Variants in THNSL1 observed in about 807,000 individuals in gnomAD.
The protein encoded by THNSL1 is threonine synthase-like 1.
In THNSL1, 48 loss-of-function variants were observed where a neutral mutation model predicts 50.4. The observed-to-expected ratio is 0.95, with a 90% CI of 0.76 to 1.21. The LOEUF (loss-of-function observed/expected upper bound fraction) is 1.21, where lower values mean the gene tolerates loss of function less well. Ranked by LOEUF, THNSL1 falls within the 50% of genes most tolerant of loss-of-function variation. THNSL1 has a pLI of 0.00. For synonymous variants in THNSL1, 309 were observed against 306.1 expected, an observed-to-expected ratio of 1.01 and a Z score of -0.10; for missense variants, 896 against 871.7, an observed-to-expected ratio of 1.03 and a Z score of -0.35.
chr10:25,018,574 T>C (rs1360637058), intron 1 of THNSL1, among the ~76,000 whole-genome samples: 2 of 152,130 alleles, frequency 1.3e-5, no homozygotes, highest in African/African-American at 4.8e-5. Context: ...GTGGGCCAGA[T>C]TTAGCCTGTG....
At chr10:25,002,744 A>G in the THNSL1 span, among the ~76,000 whole-genome samples, 1 of 152,054 alleles carries the variant, frequency 6.6e-6, no homozygotes, top group African/African-American at 2.4e-5. Flanking sequence ...TTTTCCTTTT[A>G]GGAGCCTTGC....
At chr10:25,006,212 G>A in the THNSL1 span, among the ~76,000 whole-genome samples, 1 of 152,126 alleles carries the variant, frequency 6.6e-6, no homozygotes, top group Non-Finnish European at 1.5e-5. Context: ...AACTGCTTTT[G>A]TTTAGTTATG....
At chr10:24,953,818 C>T in the THNSL1 span, among the ~76,000 whole-genome samples, 1 of 152,158 alleles carries the variant, frequency 6.6e-6, no homozygotes, top group Non-Finnish European at 1.5e-5. Flanking sequence ...CGGTTAATGA[C>T]GTTCTAGGTT....
At chr10:25,023,112 A>G (rs928287065) in intron 2 of THNSL1, 64 bp from the exon 3 acceptor site, 1 of 1,014,034 alleles carries the variant, frequency 9.9e-7, no homozygotes, top group South Asian at 1.7e-5. Flanking sequence ...GATTTTAACA[A>G]TCTACTGTAA....
the THNSL1 span, among the ~76,000 whole-genome samples, chr10:24,965,656 T>C: frequency 9.2e-5 from 14 of 152,192 alleles, 2 homozygotes; most frequent in Non-Finnish European, 1.5e-5. Context: ...GGATACTCAG[T>C]CCTTTGCAGG....
intron 1 of THNSL1, among the ~76,000 whole-genome samples, chr10:25,018,643 T>C (rs889292006): frequency 1.4e-5 from 2 of 139,986 alleles, no homozygotes; most frequent in African/African-American, 5.1e-5. Flanking sequence ...GTGATGTACA[T>C]AAACAAATGA....
In THNSL1 at chr10:25,023,290, G is replaced by A. The variant is rs931903801; in HGVS notation, c.67G>A (p.Val23Ile). The A allele has an allele frequency of 3.7e-6, 6 of 1,614,110 alleles. No individual in the cohort carries two copies. The highest frequency in any genetic ancestry group is 5.1e-6 in the Non-Finnish European group (6 of 1,179,976). ...ACAGAAATGTTTTTCTAGTATACAT[G>A]TTAAAACGGATAAACATGCACAGCG... ...ITQKCFSSIH[V>I]KTDKHAQRFL... Residue 23 changes from valine to isoleucine, a missense_variant, in exon 3 of 3, where the codon GTT (valine) becomes ATT (isoleucine). Coordinates refer to ENST00000376356, the MANE Select transcript of THNSL1 (RefSeq NM_024838.5).
At chr10:24,974,937 T>A in the THNSL1 span, among the ~76,000 whole-genome samples, 1 of 152,264 alleles carries the variant, frequency 6.6e-6, no homozygotes, top group Admixed American at 6.5e-5. Flanking sequence ...TCCATCCCAC[T>A]GTTTATACCA....
the THNSL1 span, among the ~76,000 whole-genome samples, chr10:24,961,455 G>T: frequency 6.6e-6 from 1 of 152,048 alleles, no homozygotes; most frequent in East Asian, 1.9e-4. Flanking sequence ...CTCCAGAAAT[G>T]GAATTTCTAA....
upstream of THNSL1, among the ~76,000 whole-genome samples, chr10:25,012,674 C>T (rs369930293): frequency 3.0e-4 from 46 of 152,318 alleles, no homozygotes; most frequent in African/African-American, 1.1e-3. Context: ...TTACCCAATG[C>T]CTGGACCCCC....
rs1564349248 is a variant in THNSL1 at position 25,023,377 on chromosome 10, CTT to C, written c.155_156del (p.Leu52ArgfsTer36). 4.3e-6 allele frequency: 7 copies of C among 1,614,140 alleles called. No individual in the cohort carries two copies. The highest frequency in any genetic ancestry group is 1.3e-5 in the African/African-American group (1 of 75,034). On this transcript the variant is annotated frameshift_variant, in exon 3 of 3. Transcript: ENST00000376356. LOFTEE classifies it high-confidence loss of function. ...GAAGTCATGGTATTCAACCCACTCT[CTT>C]GTTGGAGACAAAAATATTATCCTGA... ...LRKSWYSTHS[L>X]VGDKNIILMG... is the part of the protein sequence containing the mutation.
chr10:25,004,282 G>C, the THNSL1 span, among the ~76,000 whole-genome samples: 1 of 152,086 alleles, frequency 6.6e-6, no homozygotes, highest in Non-Finnish European at 1.5e-5. Context: ...TATTCCTTTG[G>C]GTATATATCC....
upstream of THNSL1, among the ~76,000 whole-genome samples, chr10:25,016,492 A>G (rs137911637): frequency 5.8e-3 from 884 of 152,334 alleles, 6 homozygotes; most frequent in Middle Eastern, 0.02. Flanking sequence ...ACGAGGACGC[A>G]AGGCCAGCGC....
At chr10:25,023,097 A>G (rs758415391) in intron 2 of THNSL1, 79 bp from the exon 3 acceptor site, 28 of 866,948 alleles carry the variant, frequency 3.2e-5, no homozygotes, top group Middle Eastern at 3.5e-4. Context: ...ATTCAGTCCT[A>G]TTGGGATTTT....
the THNSL1 span, among the ~76,000 whole-genome samples, chr10:24,986,849 T>A: frequency 6.6e-6 from 1 of 152,232 alleles, no homozygotes; most frequent in African/African-American, 2.4e-5. Flanking sequence ...ATACTTCATG[T>A]GTTGCAGCAA....
the THNSL1 span, among the ~76,000 whole-genome samples, chr10:24,971,330 C>G: frequency 2.0e-5 from 3 of 150,950 alleles, no homozygotes; most frequent in Non-Finnish European, 2.9e-5. Flanking sequence ...GTCTTGAACT[C>G]CTGGGCTTAA....
the THNSL1 span, among the ~76,000 whole-genome samples, chr10:24,987,166 C>T: frequency 6.6e-6 from 1 of 152,254 alleles, no homozygotes; most frequent in East Asian, 1.9e-4. Flanking sequence ...CTGCATTCAT[C>T]TGTGACTATG....
chr10:25,018,654 GA>G (rs1850657292), intron 1 of THNSL1, among the ~76,000 whole-genome samples: 2 of 116,280 alleles, frequency 1.7e-5, no homozygotes, highest in East Asian at 5.4e-4. Context: ...AAACAAATGA[GA>G]GTTGTTTTTT....
chr10:25,019,772 A>T (rs1026379062), intron 1 of THNSL1, among the ~76,000 whole-genome samples: 17 of 152,208 alleles, frequency 1.1e-4, no homozygotes, highest in African/African-American at 3.6e-4. Context: ...GAAAGAGAAG[A>T]GTGTCAAGAC....
Sources: allele counts gnomAD v4.1 joint callset (sites outside exome capture counted in the v4.1 genomes callset), GRCh38; gene constraint gnomAD v4.1.1; transcripts MANE v1.5; gene names NCBI Gene and HGNC (gene_info 2026-07-23, HGNC 2026-07-21).